SUPT3H: variants seen among roughly 807,000 people sequenced by gnomAD.
SUPT3H encodes the protein transcription initiation protein SPT3 homolog.
Under a neutral mutation model 44.3 loss-of-function variants are expected in SUPT3H, and 44 were observed. The ratio of observed to expected loss-of-function variants is 0.99; its 90% CI spans 0.78 to 1.28. The LOEUF (loss-of-function observed/expected upper bound fraction) is 1.28, where lower values mean the gene tolerates loss of function less well. Ranked by LOEUF, SUPT3H falls within the 50% of genes most tolerant of loss-of-function variation. The pLI, the probability that SUPT3H is intolerant of heterozygous loss-of-function variation, is 0.00. For synonymous variants in SUPT3H, 124 were observed against 125.6 expected (o/e 0.99, Z 0.09); for missense variants, 380 against 387.1 (o/e 0.98, Z 0.15).
chr6:45,173,728 C>T (rs976972577), intron 2 of SUPT3H, among the ~76,000 whole-genome samples: 7 of 152,214 alleles, frequency 4.6e-5, no homozygotes, highest in African/African-American at 1.4e-4. Context: ...GAAAAGGCCA[C>T]ATACATACTT....
rs573524352 is a variant in SUPT3H at position 45,237,897 on chromosome 6, T to C, written c.101+127304A>G. Among the ~76,000 whole-genome samples the C allele has an allele frequency of 7.2e-5, 11 of 152,324 alleles. No individual in the cohort carries two copies. In the South Asian group the frequency reaches 1.0e-3, roughly 14 times the overall value. ...ACCTATGGGAGCATTACAGCCAGGA[T>C]TGCCTTCTCCTGCTATGATTCCAAA... On this transcript the variant is annotated intron_variant, in intron 2 of 10. Coordinates refer to ENST00000371459, the MANE Select transcript of SUPT3H (RefSeq NM_003599.4).
intron 2 of SUPT3H, among the ~76,000 whole-genome samples, chr6:45,216,968 G>C (rs1007449046): frequency 1.3e-5 from 2 of 152,146 alleles, no homozygotes; most frequent in Non-Finnish European, 2.9e-5. Context: ...GCATAGAATA[G>C]TAGTTATTAG....
chr6:45,365,290 CG>C lies in SUPT3H; in HGVS notation c.11del (p.Thr4ArgfsTer21). 1 of 1,606,034 alleles carries C rather than the reference CG, an allele frequency of 6.2e-7. No homozygotes were observed. Among genetic ancestry groups the C allele is most frequent in the Admixed American group, 1.7e-5 (1 of 59,690 alleles). On this transcript the variant is annotated frameshift_variant, in exon 2 of 11. Coordinates refer to ENST00000371459, the MANE Select transcript of SUPT3H (RefSeq NM_003599.4). LOFTEE classifies it high-confidence loss of function. Reference protein sequence around the residue: MNNTAASPMSTATS... With the variant: MNNXAASPMSTATS... Reference sequence around the variant, plus strand: ...TTGCAGTAGACATTGGACTAGCTGCCGTATTATTCATCTAAATAAAAAGGAG... The same window carrying C: ...TTGCAGTAGACATTGGACTAGCTGCCTATTATTCATCTAAATAAAAAGGAG...
In SUPT3H at chr6:45,351,127, C is replaced by A. The variant is rs147132843; in HGVS notation, c.101+14074G>T. On this transcript the variant is annotated intron_variant, in intron 2 of 10. Coordinates refer to ENST00000371459, the MANE Select transcript of SUPT3H (RefSeq NM_003599.4). ...AGGTCTGTGGAAAAAATGCCTTCCACGAAACTGGTCCCTGCTGCCAAAATG... is the reference window on the plus strand; with the variant it reads ...AGGTCTGTGGAAAAAATGCCTTCCAAGAAACTGGTCCCTGCTGCCAAAATG... Among the ~76,000 whole-genome samples, 268 of 152,262 alleles carry A rather than the reference C, an allele frequency of 1.8e-3. 3 individuals carry two copies. Among genetic ancestry groups the A allele is most frequent in the African/African-American group, 6.3e-3 (262 of 41,552 alleles).
At chr6:45,013,391 C>T (rs1029706922) in intron 5 of SUPT3H, among the ~76,000 whole-genome samples, 6 of 151,992 alleles carry the variant, frequency 3.9e-5, no homozygotes, top group African/African-American at 9.7e-5. Flanking sequence ...CAAGCAGTGA[C>T]GTGGAAGAGC....
At chr6:45,030,654 T>A (rs1786772971) in intron 3 of SUPT3H, among the ~76,000 whole-genome samples, 1 of 152,176 alleles carries the variant, frequency 6.6e-6, no homozygotes, top group South Asian at 2.1e-4. Flanking sequence ...CACAGGCCAA[T>A]GTAATGATTA....
At chr6:44,993,566 A>G (rs1342878349) in intron 6 of SUPT3H, among the ~76,000 whole-genome samples, 1 of 152,146 alleles carries the variant, frequency 6.6e-6, no homozygotes, top group African/African-American at 2.4e-5. Flanking sequence ...TGATAGTATA[A>G]AAAGTCACAG....
intron 10 of SUPT3H, among the ~76,000 whole-genome samples, chr6:44,841,385 C>G (rs572897342): frequency 1.6e-4 from 25 of 152,098 alleles, no homozygotes; most frequent in African/African-American, 5.1e-4. Context: ...ATGGTTTTTC[C>G]CCACCAAAAC....
At chr6:44,905,573 G>C (rs2153450516) in intron 10 of SUPT3H, among the ~76,000 whole-genome samples, 1 of 152,008 alleles carries the variant, frequency 6.6e-6, no homozygotes, top group East Asian at 1.9e-4. Flanking sequence ...CTGTTGGTGG[G>C]ACTGTAAACT....
intron 1 of SUPT3H, chr6:45,371,844 A>G (rs1796119068): frequency 1.0e-6 from 1 of 983,902 alleles, no homozygotes; most frequent in Non-Finnish European, 1.2e-6. Flanking sequence ...CTTCAGAACT[A>G]CAGTTTGAAA....
At chr6:44,896,328 A>T (rs1479114413) in intron 10 of SUPT3H, among the ~76,000 whole-genome samples, 1 of 152,190 alleles carries the variant, frequency 6.6e-6, no homozygotes, top group Non-Finnish European at 1.5e-5. Flanking sequence ...ATTAACACTT[A>T]GGGTCCTAAA....
rs1470724687 is a variant in SUPT3H at position 45,013,029 on chromosome 6, CTG to C, written c.364+1770_364+1771del. ...TAAGTTTCTGGCTGTTTTGCCTCTA[CTG>C]TTATCACATACAGCTGTTAGCCCCC... is the stretch of plus-strand genomic sequence containing the variant. On this transcript the variant is annotated intron_variant, in intron 5 of 10. Transcript: ENST00000371459. Among the ~76,000 whole-genome samples, 5 of 152,104 alleles carry C rather than the reference CTG, an allele frequency of 3.3e-5. No individual in the cohort carries two copies. The East Asian group carries it at 9.7e-4, about 29-fold the overall frequency.
intron 3 of SUPT3H, among the ~76,000 whole-genome samples, chr6:45,052,874 T>C (rs1790511502): frequency 6.6e-6 from 1 of 151,916 alleles, no homozygotes. Flanking sequence ...TAAGGACATT[T>C]CAGATAGAAC....
chr6:44,830,180 T>C (rs75311532), intron 10 of SUPT3H, among the ~76,000 whole-genome samples: 136 of 152,308 alleles, frequency 8.9e-4, no homozygotes, highest in Non-Finnish European at 1.5e-3. Flanking sequence ...TAAACATGTG[T>C]TCTCTATTCG....
chr6:45,067,633 C>T (rs1419211499), intron 3 of SUPT3H, among the ~76,000 whole-genome samples: 8 of 150,444 alleles, frequency 5.3e-5, no homozygotes, highest in African/African-American at 2.0e-4. Flanking sequence ...AAAAACAACC[C>T]CATCAAAAAG....
intron 5 of SUPT3H, among the ~76,000 whole-genome samples, chr6:45,005,905 A>C (rs1782655912): frequency 6.6e-6 from 1 of 152,124 alleles, no homozygotes; most frequent in Non-Finnish European, 1.5e-5. Context: ...ATATTGAAAA[A>C]ATTCATAGAC....
At chr6:45,325,620 A>C (rs1786222517) in intron 2 of SUPT3H, among the ~76,000 whole-genome samples, 1 of 151,088 alleles carries the variant, frequency 6.6e-6, no homozygotes, top group African/African-American at 2.4e-5. Flanking sequence ...AGAGAGGATA[A>C]AATTTTATGG....
intron 6 of SUPT3H, among the ~76,000 whole-genome samples, chr6:44,976,364 CTT>C (rs34713610): frequency 2.0e-5 from 3 of 147,438 alleles, no homozygotes; most frequent in East Asian, 2.0e-4. Flanking sequence ...AAATTAATGT[CTT>C]TTTTTTTTTT....
chr6:45,313,403 T>C (rs1055607517), intron 2 of SUPT3H, among the ~76,000 whole-genome samples: 3 of 151,948 alleles, frequency 2.0e-5, no homozygotes, highest in African/African-American at 7.3e-5. Context: ...TTTGCAAGAT[T>C]AACCAAGAAA....
Sources: gnomAD v4.1 joint callset for allele counts (sites outside exome capture counted in the v4.1 genomes callset) on GRCh38, gnomAD v4.1.1 for gene constraint, MANE v1.5 for transcripts, NCBI Gene and HGNC (gene_info 2026-07-23, HGNC 2026-07-21) for gene names.